The following MSRA variants were observed in gnomAD, a reference collection of about 807,000 sequenced individuals.
The protein encoded by MSRA is methionine sulfoxide reductase A, also known as mitochondrial peptide methionine sulfoxide reductase.
Under a neutral mutation model 31.3 loss-of-function variants are expected in MSRA, and 54 were observed. The observed-to-expected ratio is 1.73, with a 90% CI of 1.39 to 2.17. MSRA has a LOEUF of 2.17. Ranked by LOEUF, MSRA falls within the 30% of genes most tolerant of loss-of-function variation. The pLI is 0.00. For missense variants in MSRA, 507 were observed against 300.9 expected, an observed-to-expected ratio of 1.69 and a Z score of -5.07; for synonymous variants, 169 against 116.5, an observed-to-expected ratio of 1.45 and a Z score of -2.90.
intron 1 of MSRA, among the ~76,000 whole-genome samples, chr8:10,102,037 C>G (rs1475881486): frequency 6.6e-6 from 1 of 152,088 alleles, no homozygotes; most frequent in South Asian, 2.1e-4. Flanking sequence ...CTAAGATGTC[C>G]TTTTTCTCTC....
At chr8:10,186,847 C>T (rs985123292) in intron 1 of MSRA, among the ~76,000 whole-genome samples, 2 of 152,088 alleles carry the variant, frequency 1.3e-5, no homozygotes, top group Non-Finnish European at 2.9e-5. Flanking sequence ...ACCTATATGT[C>T]ATTTGTCTTT....
intron 5 of MSRA, among the ~76,000 whole-genome samples, chr8:10,342,839 A>G (rs914394757): frequency 6.6e-6 from 1 of 152,332 alleles, no homozygotes; most frequent in East Asian, 1.9e-4. Flanking sequence ...CTCCGGTGAA[A>G]GACAGCTTGG....
intron 5 of MSRA, among the ~76,000 whole-genome samples, chr8:10,368,868 C>CT (rs1300664112): frequency 6.6e-6 from 1 of 152,140 alleles, no homozygotes; most frequent in African/African-American, 2.4e-5. Context: ...TCCAAAGGGC[C>CT]TTTTGCTAAT....
chr8:10,409,768 T>C (rs1440406884), intron 5 of MSRA, among the ~76,000 whole-genome samples: 1 of 152,252 alleles, frequency 6.6e-6, no homozygotes, highest in African/African-American at 2.4e-5. Context: ...AATCAAGATA[T>C]TTCTTCATAG....
intron 1 of MSRA, among the ~76,000 whole-genome samples, chr8:10,165,315 C>A (rs183217067): frequency 3.5e-4 from 54 of 152,306 alleles, no homozygotes; most frequent in Middle Eastern, 3.4e-3. Flanking sequence ...TAGCTACTTT[C>A]TCTGGCTTAA....
intron 1 of MSRA, among the ~76,000 whole-genome samples, chr8:10,162,846 C>G (rs1804780766): frequency 6.6e-6 from 1 of 152,094 alleles, no homozygotes; most frequent in South Asian, 2.1e-4. Flanking sequence ...GGTGGGAGAA[C>G]TCATTGGAGC....
rs1811218717 is a variant in MSRA at position 10,228,810 on chromosome 8, A to G, written c.212-16294A>G. On this transcript the variant is annotated intron_variant, in intron 2 of 5. Coordinates refer to ENST00000317173, the MANE Select transcript of MSRA (RefSeq NM_012331.5). ...TTGTAGGGTTATCACCGGATTCCAC[A>G]TATACAGATATCAGTGTGTGGCTCA... is the stretch of plus-strand genomic sequence containing the variant. Among the ~76,000 whole-genome samples the G allele has an allele frequency of 2.0e-5, 3 of 152,164 alleles. No homozygotes were observed. In the South Asian group the frequency reaches 6.2e-4, roughly 31 times the overall value.
chr8:10,059,599 G>GTA (rs1554533656), intron 1 of MSRA, among the ~76,000 whole-genome samples: 1 of 152,120 alleles, frequency 6.6e-6, no homozygotes, highest in Non-Finnish European at 1.5e-5. Context: ...ATCGGAAAAC[G>GTA]TAAGACTGAT....
At chr8:10,426,545 TTACG>T (rs1380309285) in intron 5 of MSRA, among the ~76,000 whole-genome samples, 1 of 152,194 alleles carries the variant, frequency 6.6e-6, no homozygotes, top group Non-Finnish European at 1.5e-5. Flanking sequence ...GCTTCTTCTT[TTACG>T]TAGCCTGCCA....
At chr8:10,263,765 C>T (rs1236469495) in intron 3 of MSRA, among the ~76,000 whole-genome samples, 1 of 149,832 alleles carries the variant, frequency 6.7e-6, no homozygotes, top group Non-Finnish European at 1.5e-5. Context: ...ACCAGAAAGC[C>T]TTTCAACCCA....
At chr8:10,164,471 T>C (rs909252663) in intron 1 of MSRA, among the ~76,000 whole-genome samples, 10 of 152,192 alleles carry the variant, frequency 6.6e-5, no homozygotes, top group Admixed American at 2.6e-4. Flanking sequence ...AGTTTTAGGC[T>C]GTGCTGGTTT....
chr8:10,283,584 A>T (rs141275219), intron 3 of MSRA, among the ~76,000 whole-genome samples: 1,562 of 148,504 alleles, frequency 0.011, 17 homozygotes, highest in African/African-American at 0.037. Flanking sequence ...TTTATCTCTC[A>T]CCCCCTTCCT....
chr8:10,399,479 C>T (rs1807307591), intron 5 of MSRA, among the ~76,000 whole-genome samples: 1 of 152,250 alleles, frequency 6.6e-6, no homozygotes, highest in Middle Eastern at 3.4e-3. Context: ...TGTGGTGCCT[C>T]TCCGGTCTCT....
At chr8:10,171,106 G>C (rs1464064307) in intron 1 of MSRA, among the ~76,000 whole-genome samples, 1 of 152,198 alleles carries the variant, frequency 6.6e-6, no homozygotes, top group African/African-American at 2.4e-5. Context: ...ACATGGATGG[G>C]AAGGCTAAAG....
rs147843080 is a variant in MSRA, at chr8:10,167,811, G to A, written c.143-40022G>A. On this transcript the variant is annotated intron_variant, in intron 1 of 5. Coordinates refer to ENST00000317173, the MANE Select transcript of MSRA (RefSeq NM_012331.5). ...CATAGTGAGATGTACAAACAGAAGG[G>A]TACATAAAACTTAATAATTATAGAA... 3.3e-5 allele frequency among the ~76,000 whole-genome samples: 5 copies of A among 152,186 alleles called. No homozygotes were observed. The East Asian group carries it at 9.7e-4, about 29-fold the overall frequency.
chr8:10,196,636 G>A (rs184261494), intron 1 of MSRA, among the ~76,000 whole-genome samples: 1 of 152,068 alleles, frequency 6.6e-6, no homozygotes, highest in Non-Finnish European at 1.5e-5. Context: ...CGCAACCTCT[G>A]CCTCCTGGCT....
intron 3 of MSRA, among the ~76,000 whole-genome samples, chr8:10,294,160 C>G (rs1800402304): frequency 6.6e-6 from 1 of 152,136 alleles, no homozygotes; most frequent in Non-Finnish European, 1.5e-5. Flanking sequence ...GAGATTGCAC[C>G]ACTGCACTCC....
chr8:10,153,091 G>A (rs1038009132), intron 1 of MSRA, among the ~76,000 whole-genome samples: 3 of 152,214 alleles, frequency 2.0e-5, no homozygotes, highest in Admixed American at 1.3e-4. Context: ...TCGTACATCA[G>A]TGTGAATGTA....
At chr8:10,147,467 G>A (rs1340051418) in intron 1 of MSRA, among the ~76,000 whole-genome samples, 1 of 152,180 alleles carries the variant, frequency 6.6e-6, no homozygotes, top group Non-Finnish European at 1.5e-5. Flanking sequence ...CTCCCAAGGC[G>A]TGTGGTCCAG....
Sources: gnomAD v4.1 joint callset for allele counts (sites outside exome capture counted in the v4.1 genomes callset) on GRCh38, gnomAD v4.1.1 for gene constraint, MANE v1.5 for transcripts, NCBI Gene and HGNC (gene_info 2026-07-23, HGNC 2026-07-21) for gene names.